The following ZNF558 variants were observed in gnomAD, a reference collection of about 807,000 sequenced individuals.
The protein encoded by ZNF558 is zinc finger protein 558.
In ZNF558, 23 loss-of-function variants were observed where a neutral mutation model predicts 37.6. The ratio of observed to expected loss-of-function variants is 0.61; its 90% CI spans 0.44 to 0.87. ZNF558 has a LOEUF of 0.87. Among genes scored for constraint, ZNF558 ranks in the 40% least tolerant of loss-of-function variants. The pLI is 0.00. For synonymous variants in ZNF558, 189 were observed against 174.4 expected (o/e 1.08, Z -0.66); for missense variants, 429 against 483.7 (o/e 0.89, Z 1.06).
intron 7 of ZNF558, among the ~76,000 whole-genome samples, chr19:8,815,887 T>C (rs2043924960): frequency 6.6e-6 from 1 of 151,946 alleles, no homozygotes; most frequent in Non-Finnish European, 1.5e-5. Context: ...TACCAACATA[T>C]ATAGGATGTG....
intron 2 of ZNF558, 139 bp from the exon 3 acceptor site, chr19:8,825,247 T>A (rs1599287423): frequency 6.6e-6 from 1 of 152,234 alleles, no homozygotes; most frequent in African/African-American, 2.4e-5. Context: ...TGGCACTTCA[T>A]ATAATCGCAG....
rs1340496379 is a variant in ZNF558, at chr19:8,822,945, A to G, written c.-65-221T>C. 4 of 466,072 alleles carry G rather than the reference A, an allele frequency of 8.6e-6. No individual in the cohort carries two copies. Among genetic ancestry groups the G allele is most frequent in the Non-Finnish European group, 1.2e-5 (3 of 253,972 alleles). 28.9% of individuals were successfully genotyped at this position (466,072 alleles called of 1,614,324 possible). ...ACAACGACCAGTACCTCCCTGACCC[A>G]CCCGCTTTGAGAACCTCGGCTTCAC... is the stretch of plus-strand genomic sequence containing the variant. On this transcript the variant is annotated intron_variant, in intron 4 of 9. Transcript: ENST00000601372. This position sits in a 1 kb window ranked among gnomAD's most constrained non-coding sequence, Gnocchi z 4.4.
chr19:8,812,955 G>C (rs1476229860), intron 8 of ZNF558, among the ~76,000 whole-genome samples, 172 bp downstream of exon 8: 1 of 152,202 alleles, frequency 6.6e-6, no homozygotes, highest in Non-Finnish European at 1.5e-5. Flanking sequence ...GGGAGTTAGA[G>C]AGAAAAGAAA....
chr19:8,821,712 G>C (rs2967727), intron 6 of ZNF558: 2 of 1,296,124 alleles, frequency 1.5e-6, no homozygotes, highest in Non-Finnish European at 2.0e-6. Context: ...TTTCCGTGGC[G>C]TTTATTAATT....
rs2043736912 is a variant in ZNF558, at chr19:8,809,667, CTT to C, written c.*1612_*1613del. 1 of 152,070 alleles carries C rather than the reference CTT, an allele frequency of 6.6e-6. No homozygotes were observed. The allele number at this position is 152,070 out of a possible 1,614,324, so 9.4% of individuals were successfully genotyped here. ...TTTTGAATATGCAATGTGTGGATGT[CTT>C]TAACAAGCAAATTAATTATAATAAA... On this transcript the variant is annotated 3_prime_UTR_variant, in exon 10 of 10. Transcript: ENST00000601372.
Position 8,829,622 on chromosome 19 carries a change from T to C in ZNF558, c.-509+1696A>G, listed in dbSNP as rs576038207. On this transcript the variant is annotated intron_variant, in intron 2 of 9. Coordinates refer to ENST00000601372, the MANE Select transcript of ZNF558 (RefSeq NM_144693.3). The stretch of plus-strand genomic sequence containing the variant: ...CATTTCAGGTCCTCCAGGGTCCCTG[T>C]GCATCTGACCTAGGACCTGACTCAT... Among the ~76,000 whole-genome samples the C allele has an allele frequency of 1.6e-3, 240 of 152,292 alleles. 1 individual carries two copies. The highest frequency in any genetic ancestry group is 5.5e-3 in the African/African-American group (230 of 41,564).
chr19:8,815,719 A>G (rs1235575233), intron 7 of ZNF558, among the ~76,000 whole-genome samples: 2 of 152,006 alleles, frequency 1.3e-5, no homozygotes, highest in African/African-American at 4.8e-5. Flanking sequence ...CCAGGAGGTC[A>G]AGGCTGCAGT....
Position 8,811,298 on chromosome 19 carries a change from GT to G in ZNF558, c.1191del (p.His398IlefsTer18). 6.3e-7 allele frequency: 1 copy of G among 1,581,616 alleles called. No individual in the cohort carries two copies. Among genetic ancestry groups the G allele is most frequent in the Non-Finnish European group, 8.6e-7 (1 of 1,165,950 alleles). ...SNSYLSVHKR[I>X]HNRWI ...GCAGTAATTCATATCCATCTATTATGTATTCTCTTGTGCACAGAAAGATAGG... is the reference window on the plus strand; with the variant it reads ...GCAGTAATTCATATCCATCTATTATGATTCTCTTGTGCACAGAAAGATAGG... On this transcript the variant is annotated frameshift_variant, in exon 10 of 10. Transcript: ENST00000601372. LOFTEE classifies it high-confidence loss of function.
rs782530104 is a variant in ZNF558, at chr19:8,811,291, CTAT to C, written c.1196_1198del (p.Asn399del). ...AGTTCCTGCAGTAATTCATATCCAT[CTAT>C]TATGTATTCTCTTGTGCACAGAAAG... On this transcript the variant is annotated inframe_deletion, in exon 10 of 10. Transcript: ENST00000601372. The C allele has an allele frequency of 2.0e-4, 317 of 1,565,346 alleles. No individual in the cohort carries two copies. The highest frequency in any genetic ancestry group is 2.5e-4 in the Non-Finnish European group (293 of 1,158,478).
chr19:8,812,679 G>GA (rs781909458), intron 8 of ZNF558, 36 bp from the exon 9 acceptor site: 2 of 1,425,184 alleles, frequency 1.4e-6, no homozygotes, highest in Non-Finnish European at 1.9e-6. Context: ...GGTTGATGGA[G>GA]AAAAGAAATG....
Position 8,812,062 on chromosome 19 carries a change from T to G in ZNF558, c.428A>C (p.Glu143Ala), listed in dbSNP as rs782123086. 9 of 1,562,776 alleles carry G rather than the reference T, an allele frequency of 5.8e-6. No homozygotes were observed. The highest frequency in any genetic ancestry group is 6.9e-6 in the Non-Finnish European group (8 of 1,157,060). ...RKEQSKGVKT[E>A]RSHRGVKLNE... is the part of the protein sequence containing the mutation. Reference sequence around the variant, plus strand: ...GAGTTTCACTCCACGATGACTTCTTTCCTGTGGATTAAGAGATGAATGATA... The same window carrying G: ...GAGTTTCACTCCACGATGACTTCTTGCCTGTGGATTAAGAGATGAATGATA... Residue 143 changes from glutamate (E) to alanine (A), a missense_variant and splice_region_variant, in exon 10 of 10, where the codon GAA becomes GCA. Coordinates refer to ENST00000601372, the MANE Select transcript of ZNF558 (RefSeq NM_144693.3).
Position 8,822,799 on chromosome 19 carries a change from CCCAT to C in ZNF558, c.-65-79_-65-76del, listed in dbSNP as rs1361291726. On this transcript the variant is annotated intron_variant, in intron 4 of 9. Coordinates refer to ENST00000601372, the MANE Select transcript of ZNF558 (RefSeq NM_144693.3). The surrounding 1 kb of genome is among the most constrained non-coding windows in gnomAD (Gnocchi z 4.4). The stretch of plus-strand genomic sequence containing the variant: ...GCTGCTGGGGATGGGCCCTCCTCAA[CCCAT>C]CCTTCCCATCCTTCTTCAAATGCAA... 1.1e-5 allele frequency: 13 copies of C among 1,202,040 alleles called. No individual in the cohort carries two copies. In the Admixed American group the frequency reaches 2.1e-4, roughly 19 times the overall value. 74.5% of individuals were successfully genotyped at this position (1,202,040 alleles called of 1,614,324 possible).
chr19:8,811,992 G>A lies in ZNF558; in HGVS notation c.498C>T (p.Asn166=). 3.7e-6 allele frequency: 6 copies of A among 1,613,700 alleles called. No individual in the cohort carries two copies. The highest frequency in any genetic ancestry group is 5.1e-6 in the Non-Finnish European group (6 of 1,179,820). ...QCFKVFSTKS[N]LTQHKRIHTG... is the part of the protein sequence containing the mutation. ...TATGAATTCTCTTGTGCTGAGTTAG[G>A]TTAGATTTCGTGCTGAAGACTTTAA... The change falls in exon 10 of 10, where the codon AAC becomes AAT. Residue 166 remains asparagine (N), a synonymous_variant. Coordinates refer to ENST00000601372, the MANE Select transcript of ZNF558 (RefSeq NM_144693.3).
At chr19:8,825,710 T>C (rs1371303828) in intron 2 of ZNF558, among the ~76,000 whole-genome samples, 2 of 152,076 alleles carry the variant, frequency 1.3e-5, no homozygotes, top group Non-Finnish European at 2.9e-5. Flanking sequence ...ATGGGGGCAC[T>C]GGACATTCAG....
intron 4 of ZNF558, among the ~76,000 whole-genome samples, chr19:8,823,140 C>T (rs977166905): frequency 6.6e-6 from 1 of 152,006 alleles, no homozygotes; most frequent in African/African-American, 2.4e-5. Flanking sequence ...GCTCCAGGGC[C>T]CTTTGTTCCT....
intron 7 of ZNF558, 65 bp from the exon 8 acceptor site, chr19:8,813,287 A>G (rs1412784847): frequency 7.9e-7 from 1 of 1,268,164 alleles, no homozygotes; most frequent in Admixed American, 2.0e-5. Flanking sequence ...TCCATGAAAG[A>G]AAGCCAACAT....
chr19:8,821,695 T>A (rs936294914), intron 6 of ZNF558: 14 of 1,305,006 alleles, frequency 1.1e-5, no homozygotes, highest in Non-Finnish European at 1.4e-5. Context: ...GGTAAGTGAA[T>A]GACTGATTTC....
intron 7 of ZNF558, among the ~76,000 whole-genome samples, chr19:8,818,466 G>T (rs2043998173): frequency 1.3e-5 from 2 of 151,934 alleles, no homozygotes; most frequent in Non-Finnish European, 2.9e-5. Context: ...AAATAATAAA[G>T]TTATGTATTG....
intron 4 of ZNF558, 76 bp downstream of exon 4, chr19:8,824,006 C>G (rs767950263): frequency 6.5e-6 from 1 of 152,854 alleles, no homozygotes; most frequent in Non-Finnish European, 1.5e-5. Flanking sequence ...TGCTTCCTAA[C>G]GAGCCCTTGA....
Sources: allele counts gnomAD v4.1 joint callset (sites outside exome capture counted in the v4.1 genomes callset), GRCh38; gene constraint gnomAD v4.1.1; non-coding constraint Gnocchi (gnomAD v3.1); transcripts MANE v1.5; gene names NCBI Gene and HGNC (gene_info 2026-07-23, HGNC 2026-07-21).